The following SMG6 variants were observed in gnomAD, a reference collection of about 807,000 sequenced individuals.
SMG6 encodes telomerase-binding protein EST1A.
Under a neutral mutation model 142.2 loss-of-function variants are expected in SMG6, and 66 were observed. That is an observed-to-expected ratio of 0.46 (90% CI 0.38 to 0.57). The LOEUF (loss-of-function observed/expected upper bound fraction) is 0.57. Among genes scored for constraint, SMG6 ranks in the 20% least tolerant of loss-of-function variants. The pLI is 0.00. For missense variants in SMG6, 1,793 were observed against 1,832.0 expected (o/e 0.98, Z 0.39); for synonymous variants, 779 against 702.4 (o/e 1.11, Z -1.72).
At chr17:2,253,728 G>A (rs1341726932) in intron 8 of SMG6, among the ~76,000 whole-genome samples, 1 of 152,218 alleles carries the variant, frequency 6.6e-6, no homozygotes, top group Non-Finnish European at 1.5e-5. Context: ...ATAATTCTAA[G>A]TAAATATAAC....
At chr17:2,292,114 AAAG>A (rs1263815503) in intron 6 of SMG6, among the ~76,000 whole-genome samples, 4 of 152,212 alleles carry the variant, frequency 2.6e-5, no homozygotes, top group African/African-American at 9.7e-5. Context: ...TAAAAAGTTA[AAAG>A]AAGTAACAGG....
At chr17:2,142,285 T>C (rs2070505564) in intron 13 of SMG6, among the ~76,000 whole-genome samples, 1 of 152,190 alleles carries the variant, frequency 6.6e-6, no homozygotes, top group African/African-American at 2.4e-5. Context: ...AATCAAATCA[T>C]AGGGAGAAAA....
intron 10 of SMG6, among the ~76,000 whole-genome samples, chr17:2,201,229 G>A (rs1023251045): frequency 2.0e-5 from 3 of 152,192 alleles, no homozygotes; most frequent in Non-Finnish European, 4.4e-5. Flanking sequence ...TGGATGGCAA[G>A]TAGGTACATG....
intron 10 of SMG6, among the ~76,000 whole-genome samples, chr17:2,211,056 T>TG (rs1295474466): frequency 6.8e-6 from 1 of 148,020 alleles, no homozygotes; most frequent in Non-Finnish European, 1.5e-5. Context: ...GTCAAACCGA[T>TG]GGACTTTCAA....
At chr17:2,067,154 G>A (rs989548566) in intron 16 of SMG6, among the ~76,000 whole-genome samples, 5 of 152,172 alleles carry the variant, frequency 3.3e-5, no homozygotes, top group Admixed American at 1.3e-4. Flanking sequence ...ACCCTTAGGC[G>A]TCGTCTCTTT....
chr17:2,199,046 C>T (rs937180793), intron 10 of SMG6, among the ~76,000 whole-genome samples: 1 of 151,658 alleles, frequency 6.6e-6, no homozygotes, highest in Non-Finnish European at 1.5e-5. Flanking sequence ...ATCGTCAAGG[C>T]CGTGAATCAC....
intron 13 of SMG6, among the ~76,000 whole-genome samples, chr17:2,150,713 C>T (rs1054167711): frequency 6.6e-6 from 1 of 152,176 alleles, no homozygotes; most frequent in Non-Finnish European, 1.5e-5. Flanking sequence ...AGGCAAATCA[C>T]AAAAGATCTC....
At position 2,091,069 on chromosome 17, in the gene SMG6, T is replaced by C. The variant is rs151114056; in HGVS notation, c.3358-5168A>G. Among the ~76,000 whole-genome samples, 661 of 152,304 alleles carry C rather than the reference T, an allele frequency of 4.3e-3. 3 individuals carry two copies. Among genetic ancestry groups the C allele is most frequent in the African/African-American group, 0.014 (602 of 41,554 alleles). Reference sequence around the variant, plus strand: ...ACAAGAAATTTAACTCAGACTAATGTGTTTTCACAAACTGGGAACCTCTAG... The same window carrying C: ...ACAAGAAATTTAACTCAGACTAATGCGTTTTCACAAACTGGGAACCTCTAG... On this transcript the variant is annotated intron_variant, in intron 13 of 18. Transcript: ENST00000263073.
At chr17:2,099,542 G>A (rs887440715) in intron 13 of SMG6, among the ~76,000 whole-genome samples, 1 of 151,954 alleles carries the variant, frequency 6.6e-6, no homozygotes, top group Non-Finnish European at 1.5e-5. Context: ...ATTAAAAAAT[G>A]TAGTATGCAG....
intron 8 of SMG6, among the ~76,000 whole-genome samples, chr17:2,252,421 G>GAA (rs918739473): frequency 1.1e-4 from 16 of 151,772 alleles, no homozygotes; most frequent in South Asian, 1.0e-3. Flanking sequence ...GAAAAGAAAA[G>GAA]AAGGAGCCAC....
At chr17:2,251,132 GAA>G (rs112681211) in intron 8 of SMG6, among the ~76,000 whole-genome samples, 14 of 132,416 alleles carry the variant, frequency 1.1e-4, no homozygotes, top group African/African-American at 3.3e-4. Flanking sequence ...TGGAATCTAA[GAA>G]AAAAAAAAAA....
chr17:2,279,919 A>G (rs897031111), intron 8 of SMG6, among the ~76,000 whole-genome samples: 2 of 152,176 alleles, frequency 1.3e-5, no homozygotes, highest in Admixed American at 6.6e-5. Flanking sequence ...CCTAACCATG[A>G]CTGGATTAGG....
chr17:2,087,627 G>A, intron 13 of SMG6: 2 of 996,818 alleles, frequency 2.0e-6, no homozygotes, highest in Non-Finnish European at 2.4e-6. Flanking sequence ...CCTCCGTGAA[G>A]GAGAAGGGAA....
chr17:2,232,050 T>C (rs2073511205), intron 10 of SMG6, among the ~76,000 whole-genome samples: 1 of 149,530 alleles, frequency 6.7e-6, no homozygotes, highest in Non-Finnish European at 1.5e-5. Context: ...CCAGGAATTA[T>C]AAAACATTTT....
chr17:2,289,748 T>C (rs2151390714), intron 6 of SMG6, among the ~76,000 whole-genome samples: 1 of 151,418 alleles, frequency 6.6e-6, no homozygotes, highest in South Asian at 2.1e-4. Flanking sequence ...CCATCTCTAC[T>C]AAAAATACAA....
At chr17:2,064,549 G>A (rs752201507) in intron 18 of SMG6, among the ~76,000 whole-genome samples, 29 of 152,210 alleles carry the variant, frequency 1.9e-4, no homozygotes, top group Non-Finnish European at 4.3e-4. Context: ...AGACCAGGAA[G>A]CAAAGCCCAC....
At chr17:2,130,423 T>TATCATATACCATG (rs1487364489) in intron 13 of SMG6, among the ~76,000 whole-genome samples, 15 of 151,902 alleles carry the variant, frequency 9.9e-5, no homozygotes, top group Non-Finnish European at 1.8e-4. Flanking sequence ...CTGAATAAAT[T>TATCATATACCATG]AACAGTATAT....
chr17:2,173,575 G>C (rs2071570238), intron 12 of SMG6, among the ~76,000 whole-genome samples: 1 of 152,012 alleles, frequency 6.6e-6, no homozygotes, highest in African/African-American at 2.4e-5. Flanking sequence ...GGTTTGTGTG[G>C]GACTGTCCCA....
chr17:2,061,452 AG>A lies in SMG6; in HGVS notation c.*39del. 6.7e-7 allele frequency: 1 copy of A among 1,503,162 alleles called. No homozygotes were observed. The highest frequency in any genetic ancestry group is 8.9e-7 in the Non-Finnish European group (1 of 1,129,256). 93.1% of individuals were successfully genotyped at this position (1,503,162 alleles called of 1,614,324 possible). On this transcript the variant is annotated 3_prime_UTR_variant, in exon 19 of 19. Coordinates refer to ENST00000263073, the MANE Select transcript of SMG6 (RefSeq NM_017575.5). ...TACACTGGGCGCCTGGTGGCCTTTC[AG>A]GAACGGTTCCACGGGGGGGGGGCCC...
Sources: allele counts gnomAD v4.1 joint callset (sites outside exome capture counted in the v4.1 genomes callset), GRCh38; gene constraint gnomAD v4.1.1; transcripts MANE v1.5; gene names NCBI Gene and HGNC (gene_info 2026-07-23, HGNC 2026-07-21).